The following KCNQ5 variants were observed in gnomAD, a reference collection of about 807,000 sequenced individuals.
KCNQ5 encodes potassium voltage-gated channel subfamily KQT member 5.
KCNQ5 carries 30 observed loss-of-function variants against 98.2 expected under a neutral mutation model. That is an observed-to-expected ratio of 0.31 (90% CI 0.23 to 0.41). The LOEUF is 0.41. Ranked by LOEUF, KCNQ5 falls within the 10% of genes least tolerant of loss-of-function variation. The pLI is 1.00. For missense variants in KCNQ5, 835 were observed against 1,182.5 expected, an observed-to-expected ratio of 0.71 and a Z score of 4.31; for synonymous variants, 458 against 449.4, an observed-to-expected ratio of 1.02 and a Z score of -0.24.
chr6:72,814,984 C>A (rs1775428034), intron 1 of KCNQ5, among the ~76,000 whole-genome samples: 1 of 152,066 alleles, frequency 6.6e-6, no homozygotes, highest in Non-Finnish European at 1.5e-5. Flanking sequence ...ATTCAGAAAA[C>A]AATGAGCAAA....
rs1399658410 is a variant in KCNQ5, at chr6:73,104,431, TA to T, written c.919-819del. Among the ~76,000 whole-genome samples, 6 of 151,912 alleles carry T rather than the reference TA, an allele frequency of 3.9e-5. No individual in the cohort carries two copies. In the East Asian group the frequency reaches 5.9e-4, roughly 15 times the overall value. ...CTGTACACAGTAGTCTATAAAATAT[TA>T]AAAAAATAAATTGAAGAAGTCACTA... On this transcript the variant is annotated intron_variant, in intron 5 of 13. Transcript: ENST00000370398.
At chr6:73,063,341 C>A (rs1772868647) in intron 3 of KCNQ5, among the ~76,000 whole-genome samples, 1 of 152,156 alleles carries the variant, frequency 6.6e-6, no homozygotes, top group African/African-American at 2.4e-5. Flanking sequence ...GCCTGACCTG[C>A]AGCTTCAGGA....
chr6:72,951,195 C>CCT (rs1300775263), intron 1 of KCNQ5, among the ~76,000 whole-genome samples: 4 of 152,112 alleles, frequency 2.6e-5, no homozygotes, highest in Non-Finnish European at 5.9e-5. Context: ...TCCTCTCTTC[C>CCT]CTCAAAAAAT....
In KCNQ5 at chr6:72,672,673, G is replaced by A. The variant is rs559032324; in HGVS notation, c.398+50086G>A. ...GAAAATGGAAGCTTTATCCCCTGCCGTACCTACCTTACAAAATTGTCAGAA... is the reference window on the plus strand; with the variant it reads ...GAAAATGGAAGCTTTATCCCCTGCCATACCTACCTTACAAAATTGTCAGAA... On this transcript the variant is annotated intron_variant, in intron 1 of 13. Transcript: ENST00000370398. Among the ~76,000 whole-genome samples, 19 of 152,118 alleles carry A rather than the reference G, an allele frequency of 1.2e-4. 1 individual carries two copies. The highest frequency in any genetic ancestry group is 2.5e-4 in the Non-Finnish European group (17 of 68,000).
chr6:72,694,500 C>G (rs918607094), intron 1 of KCNQ5, among the ~76,000 whole-genome samples: 1 of 152,076 alleles, frequency 6.6e-6, no homozygotes, highest in Non-Finnish European at 1.5e-5. Flanking sequence ...GTTCTGGCCT[C>G]TAGTGTTGAC....
At chr6:72,840,844 C>T (rs2150133060) in intron 1 of KCNQ5, among the ~76,000 whole-genome samples, 1 of 152,304 alleles carries the variant, frequency 6.6e-6, no homozygotes, top group East Asian at 1.9e-4. Context: ...ATAATGTATG[C>T]ATATTATGGC....
intron 1 of KCNQ5, among the ~76,000 whole-genome samples, chr6:72,765,989 T>C (rs747997388): frequency 1.3e-5 from 2 of 152,056 alleles, no homozygotes; most frequent in African/African-American, 2.4e-5. Context: ...TCTCTAGATA[T>C]CAGGCATGCA....
intron 1 of KCNQ5, among the ~76,000 whole-genome samples, chr6:72,679,421 C>T (rs7742547): frequency 0.22 from 33,751 of 151,846 alleles, 4,828 homozygotes; most frequent in East Asian, 0.51. Context: ...ATGTCCTTTG[C>T]ATGGACATGG....
At position 72,708,032 on chromosome 6, in the gene KCNQ5, T is replaced by A. The variant is rs117552663; in HGVS notation, c.398+85445T>A. 1.4e-4 allele frequency among the ~76,000 whole-genome samples: 21 copies of A among 152,330 alleles called. No individual in the cohort carries two copies. In the East Asian group the frequency reaches 3.9e-3, roughly 28 times the overall value. On this transcript the variant is annotated intron_variant, in intron 1 of 13. Transcript: ENST00000370398. ...TTAAAAAGATTTTGTTTCCACCAGC[T>A]ATCCAGGGCAAAACAGAGTAGGACC...
intron 3 of KCNQ5, among the ~76,000 whole-genome samples, chr6:73,068,551 CA>C (rs796578485): frequency 4.6e-5 from 7 of 152,110 alleles, no homozygotes; most frequent in African/African-American, 1.7e-4. Context: ...AACCCTATGA[CA>C]TAGGTACCTT....
chr6:72,680,100 A>G (rs1357461249), intron 1 of KCNQ5, among the ~76,000 whole-genome samples: 1 of 152,206 alleles, frequency 6.6e-6, no homozygotes. Flanking sequence ...ATATCCACAG[A>G]GCTAAACAAC....
At chr6:72,822,708 A>G (rs1018363492) in intron 1 of KCNQ5, among the ~76,000 whole-genome samples, 7 of 152,174 alleles carry the variant, frequency 4.6e-5, no homozygotes, top group African/African-American at 7.2e-5. Flanking sequence ...TTTTCCTACT[A>G]CTGCTAAAAC....
At chr6:72,729,265 A>C (rs542503307) in intron 1 of KCNQ5, among the ~76,000 whole-genome samples, 1 of 152,206 alleles carries the variant, frequency 6.6e-6, no homozygotes, top group Non-Finnish European at 1.5e-5. Flanking sequence ...GAAAAAAATT[A>C]TAAAAGTGGA....
intron 1 of KCNQ5, among the ~76,000 whole-genome samples, chr6:72,939,981 C>T (rs181147822): frequency 6.6e-6 from 1 of 152,292 alleles, no homozygotes; most frequent in African/African-American, 2.4e-5. Context: ...AACGTTTATT[C>T]TCCATGGTGT....
chr6:72,971,618 T>C (rs1360584615), intron 1 of KCNQ5, among the ~76,000 whole-genome samples: 1 of 150,754 alleles, frequency 6.6e-6, no homozygotes, highest in Non-Finnish European at 1.5e-5. Flanking sequence ...AATGATAGAC[T>C]GAAATGTGGC....
At chr6:73,106,432 T>C (rs1374174712) in intron 6 of KCNQ5, among the ~76,000 whole-genome samples, 1 of 152,164 alleles carries the variant, frequency 6.6e-6, no homozygotes, top group Non-Finnish European at 1.5e-5. Context: ...ACAGACTGGG[T>C]GACTTAAACA....
intron 1 of KCNQ5, among the ~76,000 whole-genome samples, chr6:72,647,211 T>C (rs1027102551): frequency 6.6e-6 from 1 of 152,206 alleles, no homozygotes; most frequent in Admixed American, 6.5e-5. Flanking sequence ...AACTATACTT[T>C]CTATCATGTG....
At chr6:73,166,259 C>T (rs112693001) in intron 10 of KCNQ5, among the ~76,000 whole-genome samples, 7,281 of 151,686 alleles carry the variant, frequency 0.048, 219 homozygotes, top group Middle Eastern at 0.088. Context: ...GGTGAAACCC[C>T]GACACTACTA....
chr6:73,028,879 G>A (rs1771007793), intron 2 of KCNQ5, among the ~76,000 whole-genome samples: 1 of 152,144 alleles, frequency 6.6e-6, no homozygotes, highest in African/African-American at 2.4e-5. Context: ...TGCCAGGTAG[G>A]AATAAGTCTA....
Sources: gnomAD v4.1 joint callset for allele counts (sites outside exome capture counted in the v4.1 genomes callset) on GRCh38, gnomAD v4.1.1 for gene constraint, MANE v1.5 for transcripts, NCBI Gene and HGNC (gene_info 2026-07-23, HGNC 2026-07-21) for gene names.